EPHA1: variants seen among roughly 807,000 people sequenced by gnomAD.
EPHA1 encodes EPH receptor A1.
EPHA1 carries 92 observed loss-of-function variants against 110.1 expected under a neutral mutation model. The observed-to-expected ratio is 0.84, with a 90% CI of 0.71 to 0.99. EPHA1 has a LOEUF of 0.99. Among genes scored for constraint, EPHA1 ranks in the 50% least tolerant of loss-of-function variants. EPHA1 has a pLI of 0.00. For synonymous variants in EPHA1, 500 were observed against 516.1 expected (o/e 0.97, Z 0.42); for missense variants, 1,204 against 1,285.4 (o/e 0.94, Z 0.97).
In EPHA1 at chr7:143,398,810, G is replaced by A. The variant is rs1474516797; in HGVS notation, c.1127C>T (p.Thr376Ile). The change falls in exon 6 of 18, where the codon ACA (threonine) becomes ATA (isoleucine). Residue 376 changes from threonine (T) to isoleucine (I), a missense_variant. Thr to Ile is a moderately conservative substitution (Grantham distance 89, BLOSUM62 -1). Transcript: ENST00000275815. ...YSVRCSQCQG[T>I]AQDGGPCQPC... is the part of the protein sequence containing the mutation. ...CTGGCAGGGCCCCCCGTCCTGTGCT[G>A]TGCCCTGACACTGGGAACACCTCAC... 3.1e-6 allele frequency: 5 copies of A among 1,613,556 alleles called. No individual in the cohort carries two copies. Among genetic ancestry groups the A allele is most frequent in the South Asian group, 2.2e-5 (2 of 91,084 alleles).
intron 10 of EPHA1, 125 bp downstream of exon 10, chr7:143,397,179 C>T: frequency 8.5e-7 from 1 of 1,171,030 alleles, no homozygotes; most frequent in Non-Finnish European, 1.2e-6. Context: ...CCACATGTGC[C>T]CCCAGAGTTG....
At chr7:143,392,561 C>G (rs557574080) in intron 16 of EPHA1, among the ~76,000 whole-genome samples, 2 of 151,498 alleles carry the variant, frequency 1.3e-5, no homozygotes, top group African/African-American at 4.9e-5. Flanking sequence ...CCCCCACCCC[C>G]CCATCAGTTC....
intron 1 of EPHA1, among the ~76,000 whole-genome samples, chr7:143,408,310 G>T (rs542610755): frequency 1.3e-5 from 2 of 152,310 alleles, no homozygotes; most frequent in Admixed American, 1.3e-4. Flanking sequence ...CCCGGAGGCA[G>T]CTCCCTCTGT....
chr7:143,399,478 C>T, intron 4 of EPHA1, 65 bp from the exon 5 acceptor site: 2 of 1,542,032 alleles, frequency 1.3e-6, no homozygotes, highest in Non-Finnish European at 1.8e-6. Flanking sequence ...CCACCACCAC[C>T]CCTTCCTGCC....
intron 2 of EPHA1, among the ~76,000 whole-genome samples, chr7:143,402,546 C>G (rs972469821): frequency 5.3e-5 from 8 of 152,204 alleles, no homozygotes; most frequent in Non-Finnish European, 8.8e-5. Flanking sequence ...GCATGCACCA[C>G]CATGCCTGGC....
chr7:143,398,751 C>A lies in EPHA1; in HGVS notation c.1186G>T (p.Ala396Ser). ...ACTGCAGGTGTGGTGAGCCCCCGGG[C>A]CCCCGGCGAGAAGTGCACGCCCACC... ...CGVGVHFSPGARGLTTPAVHV... is the reference protein window; with the variant it reads ...CGVGVHFSPGSRGLTTPAVHV... Residue 396 changes from alanine (A) to serine (S), a missense_variant, in exon 6 of 18, where the codon GCC becomes TCC. Transcript: ENST00000275815. The A allele has an allele frequency of 6.2e-7, 1 of 1,613,848 alleles. No homozygotes were observed. The highest frequency in any genetic ancestry group is 8.5e-7 in the Non-Finnish European group (1 of 1,179,908).
rs1805166759 is a variant in EPHA1, at chr7:143,393,967, GGGA to G, written c.2503-106_2503-104del. ...ATAATTGCAGTGGAGATCCTAGGAT[GGGA>G]GGAGGTGGGAGGACCAGGGTGGGAC... On this transcript the variant is annotated intron_variant, in intron 15 of 17. Transcript: ENST00000275815. This position sits in a 1 kb window ranked among gnomAD's most constrained non-coding sequence, Gnocchi z 5.6. The G allele has an allele frequency of 1.5e-6, 2 of 1,337,666 alleles. No homozygotes were observed. Among genetic ancestry groups the G allele is most frequent in the African/African-American group, 1.5e-5 (1 of 68,156 alleles). 82.9% of individuals were successfully genotyped at this position (1,337,666 alleles called of 1,614,324 possible).
At chr7:143,400,158 T>C in intron 3 of EPHA1, 105 bp from the exon 4 acceptor site, 4 of 1,347,324 alleles carry the variant, frequency 3.0e-6, no homozygotes, top group Non-Finnish European at 4.0e-6. Context: ...CCATGAACAC[T>C]GAGCCTTGTA....
chr7:143,406,866 C>A (rs1231573129), intron 2 of EPHA1, among the ~76,000 whole-genome samples: 2 of 152,174 alleles, frequency 1.3e-5, no homozygotes, highest in East Asian at 3.9e-4. Flanking sequence ...CTGCTCTCTG[C>A]ATTTGAGTCT....
chr7:143,393,433 C>G lies in EPHA1; in HGVS notation c.2696+238G>C, dbSNP rs1295079241. 2.0e-5 allele frequency among the ~76,000 whole-genome samples: 3 copies of G among 152,134 alleles called. No homozygotes were observed. The highest frequency in any genetic ancestry group is 4.8e-5 in the African/African-American group (2 of 41,420). On this transcript the variant is annotated intron_variant, in intron 16 of 17. Coordinates refer to ENST00000275815, the MANE Select transcript of EPHA1 (RefSeq NM_005232.5). This position sits in a 1 kb window ranked among gnomAD's most constrained non-coding sequence, Gnocchi z 5.6. The stretch of plus-strand genomic sequence containing the variant: ...GCCTGAGAAGAGAAAAGATGGGCCC[C>G]CCACCCCCAAGCCCAGGTGAAGTGA...
chr7:143,391,176 A>G lies in EPHA1; in HGVS notation c.*281T>C, dbSNP rs1483374856. The G allele has an allele frequency of 2.4e-6, 1 of 408,588 alleles. No homozygotes were observed. Among genetic ancestry groups the G allele is most frequent in the East Asian group, 4.3e-5 (1 of 23,040 alleles). The allele number at this position is 408,588 out of a possible 1,614,324, so 25.3% of individuals were successfully genotyped here. On this transcript the variant is annotated 3_prime_UTR_variant, in exon 18 of 18. Coordinates refer to ENST00000275815, the MANE Select transcript of EPHA1 (RefSeq NM_005232.5). ...ATGGGTGGGATGGAGGCAGAAAATC[A>G]GTTCCTGTTTATTTACAAAAATATA...
In EPHA1 at chr7:143,398,373, C is replaced by T. The variant is rs143535859; in HGVS notation, c.1412G>A (p.Arg471Gln). The change falls in exon 7 of 18, where the codon CGG (arginine) becomes CAG (glutamine). Residue 471 changes from arginine (R) to glutamine (Q), a missense_variant. Arg to Gln is a conservative substitution (Grantham distance 43). Coordinates refer to ENST00000275815, the MANE Select transcript of EPHA1 (RefSeq NM_005232.5). The stretch of plus-strand genomic sequence containing the variant: ...CAGGTTCGCCCCAGGGCTTCGGGGC[C>T]GGGACCCCGCCCAGGTCAGCTCTAG... Reference protein sequence around the residue: ...RQLELTWAGSRPRSPGANLTY... With the variant: ...RQLELTWAGSQPRSPGANLTY... 2.6e-3 allele frequency: 4,214 copies of T among 1,614,130 alleles called. 27 individuals are homozygous for T. Among genetic ancestry groups the T allele is most frequent in the South Asian group, 0.012 (1,060 of 91,082 alleles).
chr7:143,397,425 C>G, intron 9 of EPHA1, 63 bp from the exon 10 acceptor site: 3 of 1,560,422 alleles, frequency 1.9e-6, no homozygotes, highest in Non-Finnish European at 2.6e-6. Context: ...CCGAGGGACT[C>G]TGGCTGAATC....
In EPHA1 at chr7:143,397,185, A is replaced by G. The variant is rs567986244; in HGVS notation, c.1771+119T>C. On this transcript the variant is annotated intron_variant, in intron 10 of 17. Coordinates refer to ENST00000275815, the MANE Select transcript of EPHA1 (RefSeq NM_005232.5). ...CAACAAACCCCACATGTGCCCCCAG[A>G]GTTGGCCTAGCAAATGTGTCCCTTG... The G allele has an allele frequency of 7.1e-5, 87 of 1,224,226 alleles. 1 individual carries two copies. The Middle Eastern group carries it at 2.3e-3, about 33-fold the overall frequency. 75.8% of individuals were successfully genotyped at this position (1,224,226 alleles called of 1,614,324 possible).
In EPHA1 at chr7:143,399,355, G is replaced by C. The variant is rs928901184; in HGVS notation, c.894C>G (p.Pro298=). The C allele has an allele frequency of 5.4e-5, 87 of 1,611,578 alleles. No homozygotes were observed. The highest frequency in any genetic ancestry group is 7.0e-5 in the Non-Finnish European group (82 of 1,179,140). ...DMDTPHCLTC[P]QQSTAESEGA... is the part of the protein sequence containing the mutation. ...CCTCAGACTCAGCAGTGCTCTGCTGGGGGCACGTGAGACAATGGGGTGTGT... is the reference window on the plus strand; with the variant it reads ...CCTCAGACTCAGCAGTGCTCTGCTGCGGGCACGTGAGACAATGGGGTGTGT... The change falls in exon 5 of 18, where the codon CCC becomes CCG. Residue 298 remains proline, a synonymous_variant. Coordinates refer to ENST00000275815, the MANE Select transcript of EPHA1 (RefSeq NM_005232.5).
At chr7:143,397,009 G>A (rs552801125) in intron 10 of EPHA1, among the ~76,000 whole-genome samples, 1 of 152,306 alleles carries the variant, frequency 6.6e-6, no homozygotes, top group African/African-American at 2.4e-5. Context: ...TCCAGGATGG[G>A]GAGGGCTGTC....
In EPHA1 at chr7:143,398,840, T is replaced by G; in HGVS notation, c.1097A>C (p.Tyr366Ser). 6.2e-7 allele frequency: 1 copy of G among 1,613,552 alleles called. No individual in the cohort carries two copies. Residue 366 changes from tyrosine (Y) to serine (S), a missense_variant, in exon 6 of 18, where the codon TAC (tyrosine) becomes TCC (serine). Tyr to Ser is a moderately radical substitution (Grantham distance 144). Coordinates refer to ENST00000275815, the MANE Select transcript of EPHA1 (RefSeq NM_005232.5). Reference protein sequence around the residue: ...ADTGGRQDVRYSVRCSQCQGT... With the variant: ...ADTGGRQDVRSSVRCSQCQGT... ...CTGACACTGGGAACACCTCACACTGTATCTGACATCCTGGCGTCCCCCCGT... is the reference window on the plus strand; with the variant it reads ...CTGACACTGGGAACACCTCACACTGGATCTGACATCCTGGCGTCCCCCCGT...
Position 143,394,270 on chromosome 7 carries a change from A to G in EPHA1, c.2426T>C (p.Val809Ala). The G allele has an allele frequency of 1.2e-6, 2 of 1,614,064 alleles. No homozygotes were observed. The highest frequency in any genetic ancestry group is 1.7e-6 in the Non-Finnish European group (2 of 1,179,996). The change falls in exon 15 of 18, where the codon GTG (valine) becomes GCG (alanine). Residue 809 changes from valine to alanine, a missense_variant. Coordinates refer to ENST00000275815, the MANE Select transcript of EPHA1 (RefSeq NM_005232.5). ...CCACATCACAATCCCAAAGCTCCAC[A>G]CATCGCTGGCTGTGGTGAAGATCCG... ...AHRIFTTASD[V>A]WSFGIVMWEV...
In EPHA1 at chr7:143,396,370, C is replaced by T. The variant is rs1218396580; in HGVS notation, c.1897+15G>A. 16 of 1,608,566 alleles carry T rather than the reference C, an allele frequency of 9.9e-6. No individual in the cohort carries two copies. Among genetic ancestry groups the T allele is most frequent in the Non-Finnish European group, 1.3e-5 (15 of 1,178,430 alleles). On this transcript the variant is annotated intron_variant, in intron 11 of 17. Transcript: ENST00000275815. The stretch of plus-strand genomic sequence containing the variant: ...ACATGGCGGGGGGCCTGCTGCGGTG[C>T]ACAGCAGGACTCACCTTCTCCTATG...
Sources: allele counts gnomAD v4.1 joint callset (sites outside exome capture counted in the v4.1 genomes callset), GRCh38; gene constraint gnomAD v4.1.1; non-coding constraint Gnocchi (gnomAD v3.1); transcripts MANE v1.5; gene names NCBI Gene and HGNC (gene_info 2026-07-23, HGNC 2026-07-21).